POLDIP3: variants seen among roughly 807,000 people sequenced by gnomAD.
POLDIP3 encodes the protein DNA polymerase delta interacting protein 3, also known as polymerase delta-interacting protein 3.
POLDIP3 carries 14 observed loss-of-function variants against 45.1 expected under a neutral mutation model. The ratio of observed to expected loss-of-function variants is 0.31; its 90% CI spans 0.20 to 0.49. POLDIP3 has a LOEUF of 0.49. Ranked by LOEUF, POLDIP3 falls within the 20% of genes least tolerant of loss-of-function variation. The probability of loss-of-function intolerance (pLI) is 0.99; values close to 1 mark genes in which losing one functional copy is unlikely to be tolerated. For synonymous variants in POLDIP3, 223 were observed against 205.2 expected, an observed-to-expected ratio of 1.09 and a Z score of -0.74; for missense variants, 511 against 538.8, an observed-to-expected ratio of 0.95 and a Z score of 0.51.
At position 42,596,786 on chromosome 22, in the gene POLDIP3, A is replaced by G. The variant is rs576903795; in HGVS notation, c.634-421T>C. On this transcript the variant is annotated intron_variant, in intron 4 of 8. Coordinates refer to ENST00000252115, the MANE Select transcript of POLDIP3 (RefSeq NM_032311.5). ...GCCATCCCAGCACTTTGGGAGGCTG[A>G]GGTGAGAGGACTGCTTGAGGCCAGG... Among the ~76,000 whole-genome samples the G allele has an allele frequency of 2.6e-5, 4 of 152,278 alleles. No homozygotes were observed. In the South Asian group the frequency reaches 8.3e-4, roughly 32 times the overall value.
Position 42,603,083 on chromosome 22 carries a change from C to T in POLDIP3, c.137G>A (p.Arg46His), listed in dbSNP as rs573390271. 6.2e-6 allele frequency: 10 copies of T among 1,614,026 alleles called. No individual in the cohort carries two copies. Among genetic ancestry groups the T allele is most frequent in the East Asian group, 2.2e-5 (1 of 44,898 alleles). Residue 46 changes from arginine (R) to histidine (H), a missense_variant, in exon 2 of 9, where the codon CGC (arginine) becomes CAC (histidine). By Grantham distance (29) the Arg-to-His change is conservative. Around this residue, in one of 4 missense-constraint regions of POLDIP3, gnomAD observed 378 missense variants for 352.3 expected, o/e 1.07. Transcript: ENST00000252115. The part of the protein sequence containing the change: ...IQQGLLSQST[R>H]TATFQQRFDA... ...AAATCTCTGCTGGAAGGTGGCTGTG[C>T]GTGTTGACTGGCTGAGAAGGCCTTG...
chr22:42,599,591 G>A (rs1314299098), intron 4 of POLDIP3, 107 bp downstream of exon 4: 3 of 817,836 alleles, frequency 3.7e-6, no homozygotes, highest in Non-Finnish European at 2.0e-6. Flanking sequence ...TGGGGGAGAA[G>A]AGCGAGATGT....
chr22:42,609,835 T>C (rs990807219), intron 1 of POLDIP3, among the ~76,000 whole-genome samples: 4 of 152,202 alleles, frequency 2.6e-5, no homozygotes, highest in Non-Finnish European at 5.9e-5. Flanking sequence ...GGGTCAACTC[T>C]GAATTAGGTG....
At chr22:42,609,909 C>T (rs1247233300) in intron 1 of POLDIP3, among the ~76,000 whole-genome samples, 1 of 152,184 alleles carries the variant, frequency 6.6e-6, no homozygotes, top group Non-Finnish European at 1.5e-5. Flanking sequence ...AGGTGGCTCA[C>T]GCCTGTAATC....
Position 42,584,751 on chromosome 22 carries a change from G to T in POLDIP3, c.*1040C>A. 1 of 373,408 alleles carries T rather than the reference G, an allele frequency of 2.7e-6. No homozygotes were observed. The allele number at this position is 373,408 out of a possible 1,614,324, so 23.1% of individuals were successfully genotyped here. A position where few individuals can be genotyped will look rare whatever the true frequency, so the allele number is the denominator to read the frequency against. Reference sequence around the variant, plus strand: ...AATCCTCTGGTCATGGATGGATGGGGTCACTCACATAAGTGGGAACAAACA... The same window carrying T: ...AATCCTCTGGTCATGGATGGATGGGTTCACTCACATAAGTGGGAACAAACA... On this transcript the variant is annotated 3_prime_UTR_variant, in exon 9 of 9. Transcript: ENST00000252115.
intron 7 of POLDIP3, among the ~76,000 whole-genome samples, chr22:42,588,998 T>A (rs1361852451): frequency 1.3e-5 from 2 of 152,158 alleles, no homozygotes; most frequent in Non-Finnish European, 2.9e-5. Context: ...CCCAGCACTT[T>A]GCAAGGCTGA....
Position 42,612,825 on chromosome 22 carries a change from C to CA in POLDIP3, c.59+1973dup, listed in dbSNP as rs200831528. On this transcript the variant is annotated intron_variant, in intron 1 of 8. Coordinates refer to ENST00000252115, the MANE Select transcript of POLDIP3 (RefSeq NM_032311.5). ...TGAGCAATACAGTGAGACTCCCTCTCAAAAAAACAAACAAAAAAAACCCTT... is the reference window on the plus strand; with the variant it reads ...TGAGCAATACAGTGAGACTCCCTCTCAAAAAAAACAAACAAAAAAAACCCTT... Among the ~76,000 whole-genome samples, 273 of 152,006 alleles carry CA rather than the reference C, an allele frequency of 1.8e-3. 8 individuals carry two copies. The East Asian group carries it at 0.05, about 28-fold the overall frequency.
intron 1 of POLDIP3, among the ~76,000 whole-genome samples, chr22:42,613,264 C>T (rs1468796400): frequency 2.0e-5 from 3 of 152,216 alleles, no homozygotes; most frequent in Non-Finnish European, 4.4e-5. Context: ...TCTGAGAGAG[C>T]TTTCACAGTC....
chr22:42,594,808 T>C (rs576470369), intron 6 of POLDIP3, among the ~76,000 whole-genome samples: 13 of 152,326 alleles, frequency 8.5e-5, no homozygotes, highest in Admixed American at 4.6e-4. Context: ...ATACCACCAA[T>C]CCATCTCACT....
chr22:42,603,423 G>A (rs930147091), intron 1 of POLDIP3, among the ~76,000 whole-genome samples: 1 of 152,054 alleles, frequency 6.6e-6, no homozygotes, highest in African/African-American at 2.4e-5. Context: ...TTGCTTCCTA[G>A]ACCACGTGTC....
chr22:42,598,159 T>C (rs1053421423), intron 4 of POLDIP3, among the ~76,000 whole-genome samples: 2 of 149,108 alleles, frequency 1.3e-5, no homozygotes, highest in African/African-American at 5.0e-5. Flanking sequence ...CTCGGCTCAC[T>C]GTAAGCTCTG....
chr22:42,609,543 T>C (rs1926989298), intron 1 of POLDIP3, among the ~76,000 whole-genome samples: 1 of 152,174 alleles, frequency 6.6e-6, no homozygotes, highest in African/African-American at 2.4e-5. Context: ...CTACAGCCCA[T>C]TCTGGACAGA....
In POLDIP3 at chr22:42,585,452, G is replaced by A. The variant is rs1040284641; in HGVS notation, c.*339C>T. ...GACAGCCCCCACGCTGCATCCCATG[G>A]GGCCACAAGAAAGCCACCCAGAGAA... On this transcript the variant is annotated 3_prime_UTR_variant, in exon 9 of 9. Coordinates refer to ENST00000252115, the MANE Select transcript of POLDIP3 (RefSeq NM_032311.5). 11 of 358,218 alleles carry A rather than the reference G, an allele frequency of 3.1e-5. No individual in the cohort carries two copies. Among genetic ancestry groups the A allele is most frequent in the African/African-American group, 1.9e-4 (9 of 46,892 alleles). The allele number at this position is 358,218 out of a possible 1,614,324, so 22.2% of individuals were successfully genotyped here.
chr22:42,597,560 C>T (rs968608717), intron 4 of POLDIP3: 1 of 370,822 alleles, frequency 2.7e-6, no homozygotes, highest in Non-Finnish European at 5.5e-6. Flanking sequence ...CCATGCCTGT[C>T]CCTCATCCAT....
At position 42,585,349 on chromosome 22, in the gene POLDIP3, C is replaced by A; in HGVS notation, c.*442G>T. The A allele has an allele frequency of 2.2e-6, 1 of 451,228 alleles. No individual in the cohort carries two copies. The highest frequency in any genetic ancestry group is 1.6e-5 in the South Asian group (1 of 63,164). The allele number at this position is 451,228 out of a possible 1,614,324, so 28.0% of individuals were successfully genotyped here. ...CCGTCAGGACACCAGGGCTCTCCAT[C>A]CCCTCCATTGTTTGAAAAGCTTAAT... On this transcript the variant is annotated 3_prime_UTR_variant, in exon 9 of 9. Transcript: ENST00000252115.
chr22:42,595,727 G>T, intron 5 of POLDIP3, 113 bp from the exon 6 acceptor site: 1 of 936,228 alleles, frequency 1.1e-6, no homozygotes, highest in Non-Finnish European at 1.7e-6. Flanking sequence ...TCCATGGAGA[G>T]TTACCACAAA....
chr22:42,603,263 A>T, intron 1 of POLDIP3, 103 bp from the exon 2 acceptor site: 1 of 1,282,530 alleles, frequency 7.8e-7, no homozygotes, highest in East Asian at 2.3e-5. Context: ...GGCCCTGGAG[A>T]ATCAGAAAGC....
At chr22:42,611,589 G>A (rs1927122266) in intron 1 of POLDIP3, among the ~76,000 whole-genome samples, 1 of 152,162 alleles carries the variant, frequency 6.6e-6, no homozygotes, top group South Asian at 2.1e-4. Context: ...ATTCTTCTAG[G>A]CAGTATGTAA....
At chr22:42,596,068 C>T (rs765282732) in intron 5 of POLDIP3, 118 bp downstream of exon 5, 1 of 1,167,020 alleles carries the variant, frequency 8.6e-7, no homozygotes, top group Admixed American at 2.2e-5. Context: ...GTTTGCTCAT[C>T]TGTAGAATGG....
Sources: gnomAD v4.1 joint callset for allele counts (sites outside exome capture counted in the v4.1 genomes callset) on GRCh38, gnomAD v4.1.1 for gene constraint, gnomAD v4.1.1 regional missense constraint, MANE v1.5 for transcripts, NCBI Gene and HGNC (gene_info 2026-07-23, HGNC 2026-07-21) for gene names.